Variants in ADAM10 observed in about 807,000 individuals in gnomAD.
The protein encoded by ADAM10 is ADAM metallopeptidase domain 10.
A neutral mutation model predicts 90.1 loss-of-function variants in ADAM10; 17 were observed. The ratio of observed to expected loss-of-function variants is 0.19; its 90% CI spans 0.13 to 0.28. The LOEUF (loss-of-function observed/expected upper bound fraction) is 0.28, where lower values mean the gene tolerates loss of function less well. Among genes scored for constraint, ADAM10 ranks in the 10% least tolerant of loss-of-function variants. The probability of loss-of-function intolerance (pLI) is 1.00; values close to 1 mark genes in which losing one functional copy is unlikely to be tolerated. For missense variants in ADAM10, 610 were observed against 914.3 expected, an observed-to-expected ratio of 0.67 and a Z score of 4.29; for synonymous variants, 310 against 298.6, an observed-to-expected ratio of 1.04 and a Z score of -0.40.
chr15:58,706,220 G>A (rs946304682), intron 2 of ADAM10, among the ~76,000 whole-genome samples: 19 of 152,312 alleles, frequency 1.2e-4, no homozygotes, highest in Admixed American at 3.3e-4. Flanking sequence ...TGCCAATACA[G>A]AGAGGAAATT....
chr15:58,633,780 G>A (rs1377181784), intron 8 of ADAM10, among the ~76,000 whole-genome samples: 1 of 151,804 alleles, frequency 6.6e-6, no homozygotes, highest in African/African-American at 2.4e-5. Context: ...ATATCCTCAA[G>A]AAGATTCTGA....
rs1595988783 is a variant in ADAM10, at chr15:58,611,205, T to C, written c.1696-98A>G. 9 of 845,344 alleles carry C rather than the reference T, an allele frequency of 1.1e-5. No individual in the cohort carries two copies. In the East Asian group the frequency reaches 2.3e-4, roughly 21 times the overall value. The allele number at this position is 845,344 out of a possible 1,614,324, so 52.4% of individuals were successfully genotyped here. ...CAAGTATGAGCTTCCAATGTCAAAA[T>C]ATTTAAATGGAAATGAAAGTGAAAA... On this transcript the variant is annotated intron_variant, in intron 12 of 15. Coordinates refer to ENST00000260408, the MANE Select transcript of ADAM10 (RefSeq NM_001110.4).
At chr15:58,662,102 C>G (rs1202811968) in intron 5 of ADAM10, among the ~76,000 whole-genome samples, 3 of 152,148 alleles carry the variant, frequency 2.0e-5, no homozygotes, top group African/African-American at 7.2e-5. Flanking sequence ...TTCTTGTCAT[C>G]TAGTAATGTT....
chr15:58,596,036 T>C lies in ADAM10; in HGVS notation c.*1511A>G, dbSNP rs1027248673. 1 of 151,930 alleles carries C rather than the reference T, an allele frequency of 6.6e-6. No individual in the cohort carries two copies. The highest frequency in any genetic ancestry group is 6.6e-5 in the Admixed American group (1 of 15,258). The allele number at this position is 151,930 out of a possible 1,614,324, so 9.4% of individuals were successfully genotyped here. ...GTTATTTTCTCTAGCATTTTTGGCC[T>C]TGCTGGCTTGCGTCACATTATGAGA... On this transcript the variant is annotated 3_prime_UTR_variant, in exon 16 of 16. Coordinates refer to ENST00000260408, the MANE Select transcript of ADAM10 (RefSeq NM_001110.4).
At chr15:58,698,213 G>C in intron 2 of ADAM10, 1 of 395,642 alleles carries the variant, frequency 2.5e-6, no homozygotes, top group East Asian at 8.4e-5. Context: ...AAAAAGCTAA[G>C]TGAGGTACAA....
At chr15:58,610,668 C>T (rs975710246) in intron 13 of ADAM10, 151 bp from the exon 14 acceptor site, 10 of 770,470 alleles carry the variant, frequency 1.3e-5, no homozygotes, top group African/African-American at 1.2e-4. Flanking sequence ...GGCTGGGTAA[C>T]GCCATCAGTA....
At chr15:58,602,748 C>T (rs1426268494) in intron 14 of ADAM10, among the ~76,000 whole-genome samples, 4 of 152,146 alleles carry the variant, frequency 2.6e-5, no homozygotes, top group Non-Finnish European at 4.4e-5. Flanking sequence ...AAGAGTCCCA[C>T]AGACACCTTT....
chr15:58,656,006 C>T (rs1474998615), intron 5 of ADAM10, among the ~76,000 whole-genome samples: 2 of 151,804 alleles, frequency 1.3e-5, no homozygotes, highest in Non-Finnish European at 2.9e-5. Flanking sequence ...CTCAGCCTCC[C>T]AAACTGCTGA....
intron 2 of ADAM10, chr15:58,692,111 T>A (rs1897831928): frequency 2.0e-6 from 1 of 493,710 alleles, no homozygotes; most frequent in African/African-American, 2.0e-5. Flanking sequence ...TGGCATCAAA[T>A]CATCAAAGCT....
rs200668065 is a variant in ADAM10, at chr15:58,643,918, G to A, written c.796C>T (p.Arg266Cys). The change falls in exon 7 of 16, where the codon CGT (arginine) becomes TGT (cysteine). Residue 266 changes from arginine (R) to cysteine (C), a missense_variant. By Grantham distance (180) the Arg-to-Cys change is radical (BLOSUM62 -3). Coordinates refer to ENST00000260408, the MANE Select transcript of ADAM10 (RefSeq NM_001110.4). ...IYQTTDFSGI[R>C]NISFMVKRIR... is the part of the protein sequence containing the mutation. ...CGTTTCACCATGAAACTGATGTTAC[G>A]GATTCCGGAGAAGTCTGTGGTCTGG... is the stretch of plus-strand genomic sequence containing the variant. 8.7e-6 allele frequency: 14 copies of A among 1,613,110 alleles called. No individual in the cohort carries two copies. Among genetic ancestry groups the A allele is most frequent in the African/African-American group, 1.3e-5 (1 of 74,832 alleles).
Position 58,648,212 on chromosome 15 carries a change from T to C in ADAM10, c.586-2008A>G, listed in dbSNP as rs189713086. 1.3e-3 allele frequency among the ~76,000 whole-genome samples: 203 copies of C among 152,280 alleles called. 1 individual carries two copies. The highest frequency in any genetic ancestry group is 5.1e-3 in the Admixed American group (78 of 15,296). ...CAATAAAACTTATTTTTAAAACAAT[T>C]TGTATTATAGATGGGTACCAACACT... On this transcript the variant is annotated intron_variant, in intron 5 of 15. Coordinates refer to ENST00000260408, the MANE Select transcript of ADAM10 (RefSeq NM_001110.4).
At chr15:58,719,791 A>G (rs1467920747) in intron 1 of ADAM10, among the ~76,000 whole-genome samples, 1 of 152,220 alleles carries the variant, frequency 6.6e-6, no homozygotes, top group Non-Finnish European at 1.5e-5. Context: ...GATCGAATAG[A>G]AAACTACTCA....
intron 8 of ADAM10, among the ~76,000 whole-genome samples, chr15:58,640,425 T>A (rs764682587): frequency 6.6e-6 from 1 of 152,128 alleles, no homozygotes; most frequent in Admixed American, 6.6e-5. Context: ...AGTACCCTAT[T>A]TTGGAGGGGA....
chr15:58,706,854 C>T (rs1356410869), intron 2 of ADAM10, among the ~76,000 whole-genome samples: 10 of 151,590 alleles, frequency 6.6e-5, no homozygotes, highest in African/African-American at 9.7e-5. Context: ...ACTAAAAATA[C>T]ATAAATTAGC....
intron 10 of ADAM10, among the ~76,000 whole-genome samples, chr15:58,622,770 T>C (rs545694674): frequency 2.0e-5 from 3 of 152,332 alleles, no homozygotes; most frequent in South Asian, 4.1e-4. Context: ...GTCAATGGAA[T>C]TTAAAATTGG....
At chr15:58,747,563 C>G (rs1194556393) in intron 1 of ADAM10, 1 of 152,000 alleles carries the variant, frequency 6.6e-6, no homozygotes, top group African/African-American at 2.4e-5. Flanking sequence ...ATAAAAATAC[C>G]CCATAGTTAC....
chr15:58,719,899 G>A (rs1235715019), intron 1 of ADAM10, among the ~76,000 whole-genome samples: 1 of 152,114 alleles, frequency 6.6e-6, no homozygotes, highest in East Asian at 1.9e-4. Flanking sequence ...ATTAATATTA[G>A]AGAGCCTACC....
At chr15:58,647,341 A>T (rs992936570) in intron 5 of ADAM10, among the ~76,000 whole-genome samples, 3 of 129,226 alleles carry the variant, frequency 2.3e-5, no homozygotes, top group Non-Finnish European at 4.7e-5. Context: ...GCTCCCAGCA[A>T]GCTCCGCCTC....
intron 11 of ADAM10, among the ~76,000 whole-genome samples, chr15:58,613,346 C>T (rs1214339925): frequency 1.3e-5 from 2 of 152,126 alleles, no homozygotes. Context: ...GATGAGACGA[C>T]TGTTCCACCA....
Sources: allele counts gnomAD v4.1 joint callset (sites outside exome capture counted in the v4.1 genomes callset), GRCh38; gene constraint gnomAD v4.1.1; transcripts MANE v1.5; gene names NCBI Gene and HGNC (gene_info 2026-07-23, HGNC 2026-07-21).